ESRRG: variants seen among roughly 807,000 people sequenced by gnomAD.
The protein encoded by ESRRG is estrogen-related receptor gamma.
Under a neutral mutation model 44.0 loss-of-function variants are expected in ESRRG, and 13 were observed. The observed-to-expected ratio is 0.30, with a 90% CI of 0.19 to 0.47. The LOEUF is 0.47. Among genes scored for constraint, ESRRG ranks in the 20% least tolerant of loss-of-function variants. The pLI, the probability that ESRRG is intolerant of heterozygous loss-of-function variation, is 1.00. For synonymous variants in ESRRG, 215 were observed against 214.6 expected, an observed-to-expected ratio of 1.00 and a Z score of -0.02; for missense variants, 395 against 580.6, an observed-to-expected ratio of 0.68 and a Z score of 3.29.
chr1:216,591,058 G>A (rs962895611), intron 3 of ESRRG, among the ~76,000 whole-genome samples: 1 of 152,150 alleles, frequency 6.6e-6, no homozygotes, highest in African/African-American at 2.4e-5. Context: ...TGAAAAGGGT[G>A]AGGAGAACCT....
intron 1 of ESRRG, among the ~76,000 whole-genome samples, chr1:217,008,571 G>C (rs186985262): frequency 4.3e-4 from 66 of 152,288 alleles, no homozygotes; most frequent in African/African-American, 1.5e-3. Flanking sequence ...AGAACTCTTG[G>C]AGTAGAGAGA....
chr1:216,769,017 A>G (rs1000634754), intron 2 of ESRRG, among the ~76,000 whole-genome samples: 2 of 151,992 alleles, frequency 1.3e-5, no homozygotes, highest in Non-Finnish European at 2.9e-5. Context: ...CAAATGCCTA[A>G]TGTATGTTAT....
At chr1:216,734,115 T>A (rs1393983530) in intron 2 of ESRRG, among the ~76,000 whole-genome samples, 2 of 151,986 alleles carry the variant, frequency 1.3e-5, no homozygotes, top group Non-Finnish European at 1.5e-5. Flanking sequence ...CTGGTCTAAA[T>A]GGTTTGTGTC....
chr1:216,973,014 T>A (rs1055912078), intron 1 of ESRRG, among the ~76,000 whole-genome samples: 5 of 152,094 alleles, frequency 3.3e-5, no homozygotes, highest in African/African-American at 7.2e-5. Flanking sequence ...ATCTAACCAC[T>A]TCTCCCCACC....
chr1:216,640,647 T>C (rs1031193618), intron 3 of ESRRG, among the ~76,000 whole-genome samples: 1 of 152,138 alleles, frequency 6.6e-6, no homozygotes, highest in African/African-American at 2.4e-5. Context: ...AGTAGAAGTC[T>C]GCATAGCCTT....
At chr1:216,925,127 G>C (rs1208537811) in intron 2 of ESRRG, among the ~76,000 whole-genome samples, 1 of 152,136 alleles carries the variant, frequency 6.6e-6, no homozygotes, top group East Asian at 1.9e-4. Context: ...GGCTCAACAG[G>C]CTGCATGACT....
chr1:216,650,214 C>T (rs1444998710), intron 3 of ESRRG, among the ~76,000 whole-genome samples: 1 of 152,114 alleles, frequency 6.6e-6, no homozygotes, highest in Non-Finnish European at 1.5e-5. Context: ...ACAAGTATAG[C>T]AATGCATTAA....
At chr1:217,038,825 G>A (rs2083358008) in intron 1 of ESRRG, among the ~76,000 whole-genome samples, 2 of 152,190 alleles carry the variant, frequency 1.3e-5, no homozygotes, top group Admixed American at 6.5e-5. Context: ...CCAGAAAATG[G>A]GATTTTCCTT....
chr1:216,898,604 C>T (rs1056545230), intron 2 of ESRRG, among the ~76,000 whole-genome samples: 8 of 152,094 alleles, frequency 5.3e-5, no homozygotes, highest in Non-Finnish European at 7.4e-5. Flanking sequence ...GGCGACAAAG[C>T]GAGACTCTGT....
intron 3 of ESRRG, among the ~76,000 whole-genome samples, chr1:216,572,624 T>C (rs1001979582): frequency 6.6e-6 from 1 of 151,964 alleles, no homozygotes; most frequent in Non-Finnish European, 1.5e-5. Context: ...ATGTCATAAA[T>C]GAGGCAGGAT....
At chr1:216,548,881 G>T (rs186081121) in intron 5 of ESRRG, among the ~76,000 whole-genome samples, 1 of 152,212 alleles carries the variant, frequency 6.6e-6, no homozygotes, top group East Asian at 1.9e-4. Context: ...AGTAAATAAT[G>T]CAGTAAAAAT....
intron 1 of ESRRG, among the ~76,000 whole-genome samples, chr1:217,075,017 C>T (rs1455002573): frequency 6.6e-6 from 1 of 152,080 alleles, no homozygotes; most frequent in Non-Finnish European, 1.5e-5. Flanking sequence ...CTGCATATAC[C>T]GAAGCCTAAA....
chr1:216,519,133 A>G lies in ESRRG; in HGVS notation c.1132+19T>C. ...ACATATTAAAAAAAATGTAACAATG[A>G]CTATGTCAGTATGCCAACCTGAATT... is the stretch of plus-strand genomic sequence containing the variant. On this transcript the variant is annotated intron_variant, in intron 6 of 6. Transcript: ENST00000408911. 6.2e-7 allele frequency: 1 copy of G among 1,607,896 alleles called. No homozygotes were observed. The highest frequency in any genetic ancestry group is 1.3e-5 in the African/African-American group (1 of 74,684).
intron 4 of ESRRG, among the ~76,000 whole-genome samples, chr1:216,567,750 A>T (rs1012524518): frequency 1.3e-5 from 2 of 152,176 alleles, no homozygotes; most frequent in African/African-American, 4.8e-5. Context: ...CCACAAAATG[A>T]CTAGGTTAAA....
intron 1 of ESRRG, among the ~76,000 whole-genome samples, chr1:217,111,699 C>G (rs1580604868): frequency 6.6e-6 from 1 of 152,158 alleles, no homozygotes; most frequent in South Asian, 2.1e-4. Context: ...AAATTTTCAG[C>G]TGCTGGCTGT....
chr1:217,057,317 T>A (rs1396479433), intron 1 of ESRRG, among the ~76,000 whole-genome samples: 2 of 152,070 alleles, frequency 1.3e-5, no homozygotes, highest in Non-Finnish European at 2.9e-5. Context: ...CATTCTAAAA[T>A]GTCAGAAAAA....
chr1:216,580,577 T>C (rs1377957550), intron 3 of ESRRG, among the ~76,000 whole-genome samples: 1 of 152,230 alleles, frequency 6.6e-6, no homozygotes, highest in Admixed American at 6.5e-5. Context: ...TAGATTGCTA[T>C]ACTTGGGAAA....
intron 2 of ESRRG, among the ~76,000 whole-genome samples, chr1:216,768,275 G>C (rs2093186142): frequency 6.6e-6 from 1 of 152,082 alleles, no homozygotes; most frequent in African/African-American, 2.4e-5. Flanking sequence ...CATTGAGAAA[G>C]GGTTGATGTG....
At chr1:216,527,967 T>C (rs2048188836) in intron 5 of ESRRG, among the ~76,000 whole-genome samples, 1 of 150,240 alleles carries the variant, frequency 6.7e-6, no homozygotes, top group African/African-American at 2.5e-5. Flanking sequence ...AGATCTCTGA[T>C]TTGTTTCCTG....
Sources: gnomAD v4.1 joint callset for allele counts (sites outside exome capture counted in the v4.1 genomes callset) on GRCh38, gnomAD v4.1.1 for gene constraint, MANE v1.5 for transcripts, NCBI Gene and HGNC (gene_info 2026-07-23, HGNC 2026-07-21) for gene names.